Variants in FGD4 observed in about 807,000 individuals in gnomAD.
The protein encoded by FGD4 is FYVE, RhoGEF and PH domain-containing protein 4.
In FGD4, 42 loss-of-function variants were observed where a neutral mutation model predicts 102.0. The ratio of observed to expected loss-of-function variants is 0.41; its 90% confidence interval spans 0.32 to 0.53. FGD4 has a LOEUF of 0.53. Among genes scored for constraint, FGD4 ranks in the 20% least tolerant of loss-of-function variants. The pLI is 0.21. For synonymous variants in FGD4, 380 were observed against 375.7 expected, an observed-to-expected ratio of 1.01 and a Z score of -0.13; for missense variants, 902 against 1,078.2, an observed-to-expected ratio of 0.84 and a Z score of 2.29.
intron 1 of FGD4, among the ~76,000 whole-genome samples, chr12:32,500,009 G>T (rs893096187): frequency 1.3e-5 from 2 of 151,806 alleles, no homozygotes; most frequent in Non-Finnish European, 2.9e-5. Flanking sequence ...CTATCTCCAA[G>T]AAAAAAACAA....
At chr12:32,531,724 CTG>C (rs1165007939) in intron 1 of FGD4, among the ~76,000 whole-genome samples, 1 of 152,202 alleles carries the variant, frequency 6.6e-6, no homozygotes, top group Non-Finnish European at 1.5e-5. Flanking sequence ...AATAAAGGCT[CTG>C]TAAACATTTT....
intron 1 of FGD4, among the ~76,000 whole-genome samples, chr12:32,430,673 A>T: frequency 6.6e-6 from 1 of 152,282 alleles, no homozygotes; most frequent in South Asian, 2.1e-4. Context: ...TCTTACTGGT[A>T]TATGTTTTTC....
chr12:32,494,910 A>G (rs1424524468), intron 1 of FGD4, among the ~76,000 whole-genome samples: 1 of 152,220 alleles, frequency 6.6e-6, no homozygotes, highest in East Asian at 1.9e-4. Flanking sequence ...TTTGAGAAGC[A>G]TGAAAGAGCA....
rs185504382 is a variant in FGD4, at chr12:32,539,371, A to G, written c.167-24766A>G. On this transcript the variant is annotated intron_variant, in intron 1 of 16. Transcript: ENST00000534526. The stretch of plus-strand genomic sequence containing the variant: ...GATCATCTGAGGTTGGGAGTTCAAG[A>G]CCAGCCTGACCAACATGGAGAAACC... Among the ~76,000 whole-genome samples, 709 of 152,212 alleles carry G rather than the reference A, an allele frequency of 4.7e-3. 12 individuals carry two copies. The highest frequency in any genetic ancestry group is 0.016 in the African/African-American group (672 of 41,530).
chr12:32,496,177 T>C (rs1398270613), intron 1 of FGD4, among the ~76,000 whole-genome samples: 4 of 152,252 alleles, frequency 2.6e-5, no homozygotes, highest in Admixed American at 6.5e-5. Context: ...TGTTTAACTT[T>C]GACCTAAAGC....
chr12:32,516,038 T>A, intron 1 of FGD4, among the ~76,000 whole-genome samples: 1 of 152,058 alleles, frequency 6.6e-6, no homozygotes, highest in East Asian at 1.9e-4. Context: ...AATTAGTGCA[T>A]GATGTAATAA....
intron 2 of FGD4, among the ~76,000 whole-genome samples, chr12:32,572,739 TTATAA>T (rs1945775968): frequency 6.6e-6 from 1 of 152,340 alleles, no homozygotes; most frequent in African/African-American, 2.4e-5. Flanking sequence ...CTTTTTAGTT[TTATAA>T]TATAGTCTTC....
At chr12:32,504,950 G>A (rs1467749576) in intron 1 of FGD4, among the ~76,000 whole-genome samples, 2 of 152,128 alleles carry the variant, frequency 1.3e-5, no homozygotes, top group African/African-American at 2.4e-5. Context: ...ATGTTTTGTG[G>A]ACACATTCAT....
rs1405593532 is a variant in FGD4 at position 32,502,314 on chromosome 12, G to C, written c.167-61823G>C. 5 of 985,316 alleles carry C rather than the reference G, an allele frequency of 5.1e-6. No homozygotes were observed. The African/African-American group carries it at 5.2e-5, about 10-fold the overall frequency. The allele number at this position is 985,316 out of a possible 1,614,324, so 61.0% of individuals were successfully genotyped here. On this transcript the variant is annotated intron_variant, in intron 1 of 16. Transcript: ENST00000534526. Reference sequence around the variant, plus strand: ...TCAACCATTTGTGACTTCTGGCCAAGAGGAATAAATTCAGCTTTTATAAGG... The same window carrying C: ...TCAACCATTTGTGACTTCTGGCCAACAGGAATAAATTCAGCTTTTATAAGG...
chr12:32,494,594 T>C (rs1394534622), intron 1 of FGD4, among the ~76,000 whole-genome samples: 1 of 152,188 alleles, frequency 6.6e-6, no homozygotes, highest in Non-Finnish European at 1.5e-5. Flanking sequence ...TCAGTGAACA[T>C]TTATTGATCT....
intron 1 of FGD4, among the ~76,000 whole-genome samples, chr12:32,446,219 C>T (rs890762979): frequency 1.3e-5 from 2 of 152,130 alleles, no homozygotes; most frequent in Non-Finnish European, 2.9e-5. Flanking sequence ...TGGGCTAGTT[C>T]GAATGGCCTA....
chr12:32,564,041 G>A (rs1944966447), intron 1 of FGD4, 96 bp from the exon 2 acceptor site: 3 of 1,127,894 alleles, frequency 2.7e-6, no homozygotes, highest in Non-Finnish European at 2.4e-6. Context: ...GGGGGAGGGG[G>A]AGGGAGAGGG....
In FGD4 at chr12:32,582,183, A is replaced by G. The variant is rs1320412245; in HGVS notation, c.727A>G (p.Lys243Glu). ...AQNQMECEEE[K>E]AATLSSDTSI... ...AAACCAGATGGAATGTGAGGAGGAG[A>G]AAGCTGCCACTCTTAGCTCAGATAC... Residue 243 changes from lysine (K) to glutamate (E), a missense_variant, in exon 4 of 17, where the codon AAA (lysine) becomes GAA (glutamate). Coordinates refer to ENST00000534526, the MANE Select transcript of FGD4 (RefSeq NM_001370298.3). The G allele has an allele frequency of 6.2e-7, 1 of 1,614,130 alleles. No homozygotes were observed. Among genetic ancestry groups the G allele is most frequent in the Admixed American group, 1.7e-5 (1 of 60,014 alleles).
chr12:32,576,235 T>C, intron 2 of FGD4, 31 bp from the exon 3 acceptor site: 1 of 1,549,110 alleles, frequency 6.5e-7, no homozygotes. Flanking sequence ...AAAATATCAG[T>C]GAAATACTAT....
At chr12:32,598,658 T>C (rs1948102138) in intron 5 of FGD4, 72 bp downstream of exon 5, 2 of 1,263,850 alleles carry the variant, frequency 1.6e-6, no homozygotes, top group Non-Finnish European at 1.2e-6. Context: ...AATTAGAGTA[T>C]TTTAGAAACT....
chr12:32,563,415 G>T (rs1290174001), intron 1 of FGD4, among the ~76,000 whole-genome samples: 5 of 151,968 alleles, frequency 3.3e-5, no homozygotes, highest in Non-Finnish European at 7.4e-5. Context: ...CGGCCGGGCA[G>T]AGACGCTCCT....
chr12:32,400,169 C>T (rs75411691), intron 1 of FGD4, among the ~76,000 whole-genome samples: 9,554 of 152,308 alleles, frequency 0.063, 432 homozygotes, highest in Middle Eastern at 0.14. Context: ...ACCCGCCTAC[C>T]GCCGAGCTTG....
chr12:32,633,816 T>A, intron 15 of FGD4, 127 bp downstream of exon 15: 1 of 850,044 alleles, frequency 1.2e-6, no homozygotes, highest in Non-Finnish European at 1.8e-6. Flanking sequence ...CCCAAGTTGC[T>A]GGAATTACAG....
rs1054598022 is a variant in FGD4, at chr12:32,427,233, T to C, written c.166+27274T>C. Among the ~76,000 whole-genome samples the C allele has an allele frequency of 3.9e-5, 6 of 152,240 alleles. No individual in the cohort carries two copies. The East Asian group carries it at 1.2e-3, about 29-fold the overall frequency. ...ATGAATTTCCCTCTAAACACTGCTT[T>C]AGCTGCATCGCAGAGATTCTGGTAC... On this transcript the variant is annotated intron_variant, in intron 1 of 16. Transcript: ENST00000534526.
Sources: gnomAD v4.1 joint callset for allele counts (sites outside exome capture counted in the v4.1 genomes callset) on GRCh38, gnomAD v4.1.1 for gene constraint, MANE v1.5 for transcripts, NCBI Gene and HGNC (gene_info 2026-07-23, HGNC 2026-07-21) for gene names.